Variants in IL1RAPL2 observed in about 807,000 individuals in gnomAD.
IL1RAPL2 encodes the protein X-linked interleukin-1 receptor accessory protein-like 2.
In IL1RAPL2, 3 loss-of-function variants were observed where a neutral mutation model predicts 44.1. That is an observed-to-expected ratio of 0.07 (90% CI 0.03 to 0.18). IL1RAPL2 has a LOEUF of 0.18. IL1RAPL2 is among the 10% of genes least tolerant of loss of function. The pLI, the probability that IL1RAPL2 is intolerant of heterozygous loss-of-function variation, is 1.00. For missense variants in IL1RAPL2, 391 were observed against 496.4 expected (o/e 0.79, Z 2.02); for synonymous variants, 181 against 178.8 (o/e 1.01, Z -0.10).
At chrX:104,840,981 C>T (rs970177359) in intron 2 of IL1RAPL2, among the ~76,000 whole-genome samples, 4 of 111,024 alleles carry the variant, frequency 3.6e-5, no homozygotes, top group Non-Finnish European at 7.6e-5. Flanking sequence ...TGAGCCACCA[C>T]GCCCAGCCTA....
intron 2 of IL1RAPL2, among the ~76,000 whole-genome samples, chrX:104,917,296 T>C (rs1924481419): frequency 8.9e-6 from 1 of 111,928 alleles, no homozygotes; most frequent in Non-Finnish European, 1.9e-5. Flanking sequence ...GAAAAGAATC[T>C]GAAAGGCTCA....
chrX:105,705,911 C>T (rs938350997), intron 6 of IL1RAPL2, among the ~76,000 whole-genome samples: 3 of 111,325 alleles, frequency 2.7e-5, no homozygotes, highest in Admixed American at 9.6e-5. Flanking sequence ...ATAGAGAGAT[C>T]ACTGTTTTCA....
chrX:104,828,740 C>A (rs1921529986), intron 2 of IL1RAPL2, among the ~76,000 whole-genome samples: 1 of 112,561 alleles, frequency 8.9e-6, no homozygotes, highest in Admixed American at 9.4e-5. Context: ...CCGCCCCCTC[C>A]CCCAGGTGCT....
In IL1RAPL2 at chrX:105,073,045, C is replaced by CT. The variant is rs752588999; in HGVS notation, c.83-122422dup. Reference sequence around the variant, plus strand: ...TATGTGCCACATTTTCTTTTTTTTTCTTTTTTTTATTATTATGCTTTAAGT... The same window carrying CT: ...TATGTGCCACATTTTCTTTTTTTTTCTTTTTTTTTATTATTATGCTTTAAGT... On this transcript the variant is annotated intron_variant, in intron 2 of 10. Coordinates refer to ENST00000372582, the MANE Select transcript of IL1RAPL2 (RefSeq NM_017416.2). Among the ~76,000 whole-genome samples, 364 of 96,603 alleles carry CT rather than the reference C, an allele frequency of 3.8e-3. 3 individuals carry two copies. Among genetic ancestry groups the CT allele is most frequent in the African/African-American group, 0.015 (347 of 23,570 alleles). 83.9% of individuals were successfully genotyped at this position (96,603 alleles called of 115,157 possible). A position where few individuals can be genotyped will look rare whatever the true frequency, so the allele number is the denominator to read the frequency against.
chrX:104,969,380 G>A (rs2030189413), intron 2 of IL1RAPL2, among the ~76,000 whole-genome samples: 1 of 110,476 alleles, frequency 9.1e-6, no homozygotes, highest in Non-Finnish European at 1.9e-5. Context: ...ACATTTAAAA[G>A]ATCTAAATGT....
chrX:104,848,522 CT>C (rs1922129923), intron 2 of IL1RAPL2, among the ~76,000 whole-genome samples: 1 of 101,953 alleles, frequency 9.8e-6, no homozygotes, highest in African/African-American at 3.6e-5. Context: ...TAAAAACAAA[CT>C]TTAAATAACC....
intron 2 of IL1RAPL2, among the ~76,000 whole-genome samples, chrX:105,162,917 G>A (rs1389574554): frequency 2.7e-5 from 3 of 111,217 alleles, no homozygotes; most frequent in Non-Finnish European, 5.7e-5. Flanking sequence ...CTCAAAGGCC[G>A]CACCTCGTAA....
chrX:105,175,084 T>A (rs1193611372), intron 2 of IL1RAPL2, among the ~76,000 whole-genome samples: 1 of 111,348 alleles, frequency 9.0e-6, no homozygotes, highest in Non-Finnish European at 1.9e-5. Flanking sequence ...ATTAAATGAG[T>A]CAATGAATGT....
At chrX:105,728,554 G>C (rs1475870653) in intron 7 of IL1RAPL2, among the ~76,000 whole-genome samples, 2 of 111,102 alleles carry the variant, frequency 1.8e-5, no homozygotes, top group South Asian at 7.5e-4. Context: ...AATAGCTTTA[G>C]GGTTACAAAG....
intron 1 of IL1RAPL2, among the ~76,000 whole-genome samples, chrX:104,634,472 G>C (rs1184659775): frequency 9.0e-6 from 1 of 111,139 alleles, no homozygotes; most frequent in Non-Finnish European, 1.9e-5. Context: ...TTATTGTGTG[G>C]GAATCTATGT....
At chrX:104,713,433 T>A (rs1045147269) in intron 2 of IL1RAPL2, among the ~76,000 whole-genome samples, 9 of 110,894 alleles carry the variant, frequency 8.1e-5, no homozygotes, top group Middle Eastern at 4.2e-3. Context: ...TAAAATGTAA[T>A]CCCTTCCACC....
At chrX:105,649,692 G>A (rs112245920) in intron 6 of IL1RAPL2, among the ~76,000 whole-genome samples, 1,137 of 111,521 alleles carry the variant, frequency 0.01, 23 homozygotes, top group African/African-American at 0.035. Flanking sequence ...CCTGTGGGTA[G>A]AAATGGAAAT....
At chrX:104,835,858 A>ATC (rs1182236323) in intron 2 of IL1RAPL2, among the ~76,000 whole-genome samples, 1 of 111,977 alleles carries the variant, frequency 8.9e-6, no homozygotes, top group African/African-American at 3.2e-5. Flanking sequence ...ACTGACTTTG[A>ATC]TCTCGTCTTC....
chrX:104,956,495 T>TGTGTGTGTGA (rs1556020850), intron 2 of IL1RAPL2, among the ~76,000 whole-genome samples: 1 of 108,553 alleles, frequency 9.2e-6, no homozygotes, highest in Non-Finnish European at 1.9e-5. Context: ...TGTGTGTGTG[T>TGTGTGTGTGA]TATGCCGGGC....
intron 2 of IL1RAPL2, among the ~76,000 whole-genome samples, chrX:105,007,187 C>G (rs1320474927): frequency 9.0e-6 from 1 of 111,461 alleles, no homozygotes; most frequent in Non-Finnish European, 1.9e-5. Context: ...AATGGGAGAA[C>G]TATGACTAAT....
chrX:104,695,349 AAG>A (rs200451049), intron 2 of IL1RAPL2, among the ~76,000 whole-genome samples: 49 of 105,372 alleles, frequency 4.7e-4, no homozygotes, highest in Non-Finnish European at 4.1e-4. Flanking sequence ...GAGAGAGAGA[AAG>A]AGAGAGAGAG....
At chrX:104,826,630 G>T (rs1555998312) in intron 2 of IL1RAPL2, among the ~76,000 whole-genome samples, 2 of 111,407 alleles carry the variant, frequency 1.8e-5, no homozygotes, top group South Asian at 7.6e-4. Context: ...TATTAGGTCG[G>T]CTTGGTCCAG....
intron 6 of IL1RAPL2, among the ~76,000 whole-genome samples, chrX:105,659,525 C>T (rs763879512): frequency 2.8e-5 from 3 of 108,293 alleles, no homozygotes; most frequent in Non-Finnish European, 5.8e-5. Context: ...GGCGTGGTGG[C>T]GGGCGCCTGT....
chrX:105,333,029 T>C (rs1270128699), intron 5 of IL1RAPL2, among the ~76,000 whole-genome samples: 1 of 111,625 alleles, frequency 9.0e-6, no homozygotes, highest in Non-Finnish European at 1.9e-5. Context: ...AAAATTTATA[T>C]GGAACCACAA....
Sources: gnomAD v4.1 joint callset for allele counts (sites outside exome capture counted in the v4.1 genomes callset) on GRCh38, gnomAD v4.1.1 for gene constraint, MANE v1.5 for transcripts, NCBI Gene and HGNC (gene_info 2026-07-23, HGNC 2026-07-21) for gene names.